The following CCDC7 variants were observed in gnomAD, a reference collection of about 807,000 sequenced individuals.
CCDC7 encodes the protein coiled-coil domain containing 7.
A neutral mutation model predicts 196.9 loss-of-function variants in CCDC7; 183 were observed. The observed-to-expected ratio is 0.93, with a 90% confidence interval of 0.82 to 1.05. The LOEUF is 1.05. Ranked by LOEUF, CCDC7 falls within the 50% of genes least tolerant of loss-of-function variation. The pLI, the probability that CCDC7 is intolerant of heterozygous loss-of-function variation, is 0.00. For missense variants in CCDC7, 1,540 were observed against 1,482.2 expected, an observed-to-expected ratio of 1.04 and a Z score of -0.64; for synonymous variants, 525 against 484.6, an observed-to-expected ratio of 1.08 and a Z score of -1.10.
At chr10:32,817,508 G>A (rs919253398) in intron 31 of CCDC7, among the ~76,000 whole-genome samples, 4 of 152,112 alleles carry the variant, frequency 2.6e-5, no homozygotes, top group African/African-American at 9.7e-5. Flanking sequence ...TACTCCTCGA[G>A]AAGAGCAACT....
At chr10:32,446,201 A>G (rs1040223997) in exon 1 of CCDC7, 4 of 152,176 alleles carry the variant, frequency 2.6e-5, no homozygotes, top group African/African-American at 7.2e-5. Context: ...CCGGGGGCGC[A>G]GAGGCCGGGC....
chr10:32,476,164 C>T (rs1245606554), intron 8 of CCDC7, among the ~76,000 whole-genome samples: 1 of 152,130 alleles, frequency 6.6e-6, no homozygotes, highest in Non-Finnish European at 1.5e-5. Context: ...ATTACAGTGT[C>T]ACAGAATAGT....
chr10:32,619,335 G>A (rs1454531638), intron 18 of CCDC7, among the ~76,000 whole-genome samples: 1 of 152,034 alleles, frequency 6.6e-6, no homozygotes, highest in African/African-American at 2.4e-5. Context: ...CAACAAAATG[G>A]TAGGATGAGA....
chr10:32,587,013 G>T (rs1019024920), intron 18 of CCDC7, among the ~76,000 whole-genome samples: 7 of 152,110 alleles, frequency 4.6e-5, no homozygotes, highest in Non-Finnish European at 8.8e-5. Flanking sequence ...TATCCCAGCA[G>T]TCAAGTTGAA....
intron 24 of CCDC7, among the ~76,000 whole-genome samples, chr10:32,705,727 A>C (rs1423066421): frequency 6.6e-6 from 1 of 152,188 alleles, no homozygotes; most frequent in Admixed American, 6.5e-5. Context: ...AAAGAAGGGC[A>C]TTACATAATG....
At chr10:32,787,261 C>T (rs1050529319) in intron 29 of CCDC7, among the ~76,000 whole-genome samples, 2 of 146,788 alleles carry the variant, frequency 1.4e-5, no homozygotes, top group African/African-American at 4.8e-5. Context: ...CATTGTAATT[C>T]TGTCAAAAAA....
chr10:32,542,453 T>C (rs908293779), intron 11 of CCDC7, among the ~76,000 whole-genome samples: 6 of 151,752 alleles, frequency 4.0e-5, no homozygotes, highest in African/African-American at 1.2e-4. Context: ...ATCAATATGG[T>C]GAAATCCTGT....
chr10:32,518,816 T>C (rs1358964098), intron 11 of CCDC7, among the ~76,000 whole-genome samples: 2 of 152,166 alleles, frequency 1.3e-5, no homozygotes, highest in Non-Finnish European at 2.9e-5. Context: ...TGTGGTATTT[T>C]CTACAATTAT....
intron 18 of CCDC7, among the ~76,000 whole-genome samples, chr10:32,604,030 A>G (rs1222732355): frequency 6.6e-6 from 1 of 152,122 alleles, no homozygotes; most frequent in East Asian, 1.9e-4. Flanking sequence ...GGCTAGACCA[A>G]TGTCCTAGAG....
intron 24 of CCDC7, among the ~76,000 whole-genome samples, chr10:32,696,242 C>G (rs972100843): frequency 1.3e-5 from 2 of 152,010 alleles, no homozygotes; most frequent in Non-Finnish European, 2.9e-5. Context: ...AGAGACCTAC[C>G]TGTAGTCAGA....
intron 18 of CCDC7, among the ~76,000 whole-genome samples, chr10:32,589,862 G>A (rs1440447442): frequency 6.6e-6 from 1 of 151,968 alleles, no homozygotes; most frequent in African/African-American, 2.4e-5. Context: ...TGATATAAGT[G>A]TTGCTACTCC....
intron 8 of CCDC7, among the ~76,000 whole-genome samples, chr10:32,479,098 G>A (rs968319969): frequency 6.6e-6 from 1 of 152,124 alleles, no homozygotes; most frequent in African/African-American, 2.4e-5. Context: ...GTTATTTATA[G>A]TATTTGTTTA....
intron 25 of CCDC7, among the ~76,000 whole-genome samples, chr10:32,726,365 T>A (rs1228729574): frequency 6.6e-6 from 1 of 151,930 alleles, no homozygotes; most frequent in Admixed American, 6.6e-5. Context: ...TATTTAGATG[T>A]GTTGAATATT....
At chr10:32,767,125 A>T (rs10827126) in intron 28 of CCDC7, among the ~76,000 whole-genome samples, 20,935 of 152,044 alleles carry the variant, frequency 0.14, 1,760 homozygotes, top group East Asian at 0.25. Flanking sequence ...CAAGCCATTC[A>T]TGAGAAATTT....
At chr10:32,872,296 A>G (rs1360843547) in intron 41 of CCDC7, among the ~76,000 whole-genome samples, 1 of 151,652 alleles carries the variant, frequency 6.6e-6, no homozygotes, top group Non-Finnish European at 1.5e-5. Flanking sequence ...TCCCTTTACC[A>G]TTATGTAATG....
At chr10:32,634,202 C>T in intron 18 of CCDC7, 52 bp from the exon 20 acceptor site, 1 of 811,848 alleles carries the variant, frequency 1.2e-6, no homozygotes. Context: ...TTGGAGATTT[C>T]ACAATAGAGC....
At chr10:32,832,516 C>T (rs530161957) in intron 32 of CCDC7, among the ~76,000 whole-genome samples, 1 of 151,808 alleles carries the variant, frequency 6.6e-6, no homozygotes, top group South Asian at 2.1e-4. Flanking sequence ...GGCCAGAAGG[C>T]AGTAGGATGG....
chr10:32,858,055 T>TTGAATCAGG (rs552052121), intron 41 of CCDC7, among the ~76,000 whole-genome samples: 20,888 of 151,854 alleles, frequency 0.14, 1,729 homozygotes, highest in East Asian at 0.25. Flanking sequence ...TCAAAAAATA[T>TTGAATCAGG]AAGCTACCAA....
chr10:32,489,495 C>T (rs1005823901), intron 8 of CCDC7, among the ~76,000 whole-genome samples: 3 of 152,186 alleles, frequency 2.0e-5, no homozygotes, highest in Non-Finnish European at 2.9e-5. Flanking sequence ...TGAGAGACTG[C>T]AGCTTCAGGG....
Sources: allele counts gnomAD v4.1 joint callset (sites outside exome capture counted in the v4.1 genomes callset), GRCh38; gene constraint gnomAD v4.1.1; transcripts MANE v1.5; gene names NCBI Gene and HGNC (gene_info 2026-07-23, HGNC 2026-07-21).